ZNF624: variants seen among roughly 807,000 people sequenced by gnomAD.
ZNF624 encodes the protein zinc finger protein 624.
Under a neutral mutation model 74.7 loss-of-function variants are expected in ZNF624, and 43 were observed. That is an observed-to-expected ratio of 0.58 (90% CI 0.45 to 0.74). ZNF624 has a LOEUF of 0.74. ZNF624 is among the 30% of genes least tolerant of loss of function. The probability of loss-of-function intolerance (pLI) is 0.00; values close to 1 mark genes in which losing one functional copy is unlikely to be tolerated. For missense variants in ZNF624, 820 were observed against 1,030.0 expected (o/e 0.80, Z 2.79); for synonymous variants, 331 against 341.3 (o/e 0.97, Z 0.33).
At chr17:16,631,705 A>T (rs556341263) in intron 5 of ZNF624, 1 of 152,430 alleles carries the variant, frequency 6.6e-6, no homozygotes, top group East Asian at 1.9e-4. Flanking sequence ...CCTGGGTGAT[A>T]GAATGAGACC....
intron 3 of ZNF624, among the ~76,000 whole-genome samples, chr17:16,645,914 T>C (rs1216259506): frequency 2.3e-5 from 3 of 131,086 alleles, no homozygotes; most frequent in Admixed American, 1.8e-4. Flanking sequence ...ATTGTGCCAC[T>C]GTGCCTGGGT....
At chr17:16,630,281 G>C (rs890794673) in intron 5 of ZNF624, among the ~76,000 whole-genome samples, 2 of 152,116 alleles carry the variant, frequency 1.3e-5, no homozygotes, top group African/African-American at 4.8e-5. Context: ...AAGAGGCTGT[G>C]CGTGGTGGCT....
At chr17:16,635,880 A>AG (rs532660833) in intron 3 of ZNF624, among the ~76,000 whole-genome samples, 2 of 97,946 alleles carry the variant, frequency 2.0e-5, no homozygotes, top group East Asian at 4.8e-4. Flanking sequence ...ATTTTAAGAG[A>AG]AAAAAAAAAA....
At chr17:16,646,999 A>G (rs1909608504) in intron 3 of ZNF624, among the ~76,000 whole-genome samples, 2 of 152,262 alleles carry the variant, frequency 1.3e-5, no homozygotes, top group African/African-American at 4.8e-5. Flanking sequence ...AAACCAATTT[A>G]AACTCATCTT....
chr17:16,647,292 T>C (rs1261769838), intron 3 of ZNF624, 37 bp downstream of exon 3: 1 of 1,538,908 alleles, frequency 6.5e-7, no homozygotes, highest in Non-Finnish European at 9.0e-7. Flanking sequence ...ATAGGCATTT[T>C]CTCTGTATTC....
intron 2 of ZNF624, among the ~76,000 whole-genome samples, 167 bp from the exon 3 acceptor site, chr17:16,647,561 A>G (rs557874881): frequency 6.6e-6 from 1 of 152,262 alleles, no homozygotes; most frequent in African/African-American, 2.4e-5. Flanking sequence ...TGCAATCATA[A>G]TCTTTCACTT....
intron 1 of ZNF624, 62 bp from the exon 2 acceptor site, chr17:16,649,808 T>C (rs937274338): frequency 1.5e-5 from 21 of 1,380,948 alleles, no homozygotes; most frequent in Non-Finnish European, 2.2e-5. Flanking sequence ...ACTCACCAAG[T>C]TGGAATCCTG....
rs997704073 is a variant in ZNF624, at chr17:16,646,653, A to G, written c.153+676T>C. ...TAATGTCCTACAGGACAGTAATACC[A>G]TAACTTTGGGGATTATCTTTTATCC... On this transcript the variant is annotated intron_variant, in intron 3 of 5. Coordinates refer to ENST00000311331, the MANE Select transcript of ZNF624 (RefSeq NM_020787.4). 2.0e-5 allele frequency among the ~76,000 whole-genome samples: 3 copies of G among 152,262 alleles called. No individual in the cohort carries two copies. The South Asian group carries it at 6.2e-4, about 32-fold the overall frequency.
downstream of ZNF624, among the ~76,000 whole-genome samples, chr17:16,616,240 CT>C (rs1908790797): frequency 6.6e-6 from 1 of 151,350 alleles, no homozygotes; most frequent in Non-Finnish European, 1.5e-5. Context: ...GTTATCCAAA[CT>C]GAATAATTTA....
intron 5 of ZNF624, among the ~76,000 whole-genome samples, chr17:16,629,314 C>T (rs936275838): frequency 4.7e-5 from 7 of 148,430 alleles, no homozygotes; most frequent in East Asian, 2.0e-4. Context: ...TGTGCCACAA[C>T]GCCCGGCTAA....
At position 16,623,089 on chromosome 17, in the gene ZNF624, TAA is replaced by T. The variant is rs1946637949; in HGVS notation, c.1795_1796del (p.Leu599AsnfsTer14). 6.2e-7 allele frequency: 1 copy of T among 1,613,832 alleles called. No homozygotes were observed. The highest frequency in any genetic ancestry group is 1.3e-5 in the African/African-American group (1 of 74,892). The part of the protein sequence containing the change: ...CGESFRIKSH[L>X]TVHQRIHTGE... ...CAGTGTGAATTCTCTGATGTACAGT[TAA>T]GTGTGATTTTATTCTGAAAGACTCC... On this transcript the variant is annotated frameshift_variant, in exon 6 of 6. Coordinates refer to ENST00000311331, the MANE Select transcript of ZNF624 (RefSeq NM_020787.4). LOFTEE classifies it high-confidence loss of function. The surrounding 1 kb of genome is among the most constrained non-coding windows in gnomAD (Gnocchi z 5.3).
intron 3 of ZNF624, among the ~76,000 whole-genome samples, chr17:16,641,825 T>C (rs1909473607): frequency 6.6e-6 from 1 of 152,252 alleles, no homozygotes; most frequent in Non-Finnish European, 1.5e-5. Flanking sequence ...ACAAGATCTA[T>C]ATGTGTGTGT....
chr17:16,617,641 T>C (rs1908817619), downstream of ZNF624: 1 of 1,608,046 alleles, frequency 6.2e-7, no homozygotes. Context: ...CTTCCGTAGC[T>C]GTAGCTGTCG....
chr17:16,617,668 C>CT, downstream of ZNF624: 1 of 1,599,688 alleles, frequency 6.3e-7, no homozygotes, highest in South Asian at 1.1e-5. Context: ...CGACGCGGGC[C>CT]CCGGGCGTGC....
chr17:16,627,644 G>A (rs1416252280), intron 5 of ZNF624, among the ~76,000 whole-genome samples: 1 of 152,132 alleles, frequency 6.6e-6, no homozygotes, highest in Non-Finnish European at 1.5e-5. Context: ...AAAGTCATAG[G>A]GCAAGAAAGA....
chr17:16,627,105 T>C (rs72835912), intron 5 of ZNF624, among the ~76,000 whole-genome samples: 1,885 of 152,114 alleles, frequency 0.012, 17 homozygotes, highest in Non-Finnish European at 0.02. Flanking sequence ...AACATATCTA[T>C]AGCACCAATT....
intron 5 of ZNF624, among the ~76,000 whole-genome samples, chr17:16,629,673 T>G (rs560459894): frequency 1.3e-5 from 2 of 152,220 alleles, no homozygotes; most frequent in African/African-American, 4.8e-5. Context: ...TTCAAGTGAT[T>G]CTTGTGCCTC....
Position 16,622,132 on chromosome 17 carries a change from G to C in ZNF624, c.*156C>G. 1 of 515,286 alleles carries C rather than the reference G, an allele frequency of 1.9e-6. No individual in the cohort carries two copies. The highest frequency in any genetic ancestry group is 3.2e-6 in the Non-Finnish European group (1 of 314,984). The allele number at this position is 515,286 out of a possible 1,614,324, so 31.9% of individuals were successfully genotyped here. On this transcript the variant is annotated 3_prime_UTR_variant, in exon 6 of 6. Transcript: ENST00000311331. ...GTGAGAGTTTCCTTATAACTTCTAA[G>C]ATTTAATATTATTAAATGATTTCCC...
chr17:16,617,821 A>C, downstream of ZNF624: 2 of 1,611,982 alleles, frequency 1.2e-6, no homozygotes, highest in Non-Finnish European at 1.7e-6. Flanking sequence ...CCACTGAAAA[A>C]GCGCTGGATG....
Sources: gnomAD v4.1 joint callset for allele counts (sites outside exome capture counted in the v4.1 genomes callset) on GRCh38, gnomAD v4.1.1 for gene constraint, Gnocchi (gnomAD v3.1) non-coding constraint, MANE v1.5 for transcripts, NCBI Gene and HGNC (gene_info 2026-07-23, HGNC 2026-07-21) for gene names.